CCNDBP1: variants seen among roughly 807,000 people sequenced by gnomAD.
The protein encoded by CCNDBP1 is cyclin-D1-binding protein 1.
In CCNDBP1, 45 loss-of-function variants were observed where a neutral mutation model predicts 46.2. The ratio of observed to expected loss-of-function variants is 0.97; its 90% confidence interval spans 0.77 to 1.25. The LOEUF is 1.25. Ranked by LOEUF, CCNDBP1 falls within the 50% of genes most tolerant of loss-of-function variation. CCNDBP1 has a pLI of 0.00. For synonymous variants in CCNDBP1, 154 were observed against 163.6 expected (o/e 0.94, Z 0.45); for missense variants, 436 against 442.1 (o/e 0.99, Z 0.12).
Position 43,191,643 on chromosome 15 carries a change from C to G in CCNDBP1, c.828C>G (p.Asp276Glu), listed in dbSNP as rs755756110. The change falls in exon 8 of 11, where the codon GAC becomes GAG. Residue 276 changes from aspartate to glutamate, a missense_variant. Coordinates refer to ENST00000300213, the MANE Select transcript of CCNDBP1 (RefSeq NM_012142.5). ...AGGATCAGGTGGCACAGCTGGATGA[C>G]ATTGTGGATATTTCTGATGAAATCA... ...GKKDQVAQLD[D>E]IVDISDEISP... 1 of 1,609,398 alleles carries G rather than the reference C, an allele frequency of 6.2e-7. No individual in the cohort carries two copies. Among genetic ancestry groups the G allele is most frequent in the Non-Finnish European group, 8.5e-7 (1 of 1,180,006 alleles).
chr15:43,193,661 T>A (rs548402168), intron 9 of CCNDBP1, among the ~76,000 whole-genome samples: 50 of 152,336 alleles, frequency 3.3e-4, no homozygotes, highest in African/African-American at 1.2e-3. Flanking sequence ...CTAGAGAGAG[T>A]TCTGTTCTCT....
intron 3 of CCNDBP1, among the ~76,000 whole-genome samples, chr15:43,188,050 A>T (rs928851888): frequency 1.3e-5 from 2 of 152,038 alleles, no homozygotes; most frequent in African/African-American, 4.8e-5. Flanking sequence ...ATGATACTTT[A>T]ATAAAATTAT....
chr15:43,185,930 C>G (rs2041817511), intron 2 of CCNDBP1, 51 bp downstream of exon 2: 2 of 1,552,858 alleles, frequency 1.3e-6, no homozygotes, highest in South Asian at 2.3e-5. Context: ...TCCAGCGTCC[C>G]GACCCCTTTT....
At chr15:43,187,687 T>G (rs1341589919) in intron 3 of CCNDBP1, among the ~76,000 whole-genome samples, 1 of 152,224 alleles carries the variant, frequency 6.6e-6, no homozygotes, top group African/African-American at 2.4e-5. Flanking sequence ...TTTTCTTATC[T>G]GCTAACCCCT....
chr15:43,189,832 A>G (rs1159095634), intron 4 of CCNDBP1: 5 of 538,050 alleles, frequency 9.3e-6, no homozygotes, highest in African/African-American at 1.9e-5. Flanking sequence ...GGTGTCACGG[A>G]AAGATTTTGT....
intron 3 of CCNDBP1, among the ~76,000 whole-genome samples, chr15:43,186,774 C>T (rs1420519979): frequency 2.0e-5 from 3 of 152,160 alleles, no homozygotes; most frequent in Non-Finnish European, 4.4e-5. Flanking sequence ...TTGTCTCCCC[C>T]AGTTCCTTTT....
intron 1 of CCNDBP1, 23 bp from the exon 2 acceptor site, chr15:43,185,797 C>T: frequency 1.9e-6 from 3 of 1,607,948 alleles, no homozygotes; most frequent in Non-Finnish European, 2.5e-6. Context: ...CACCGTTCGG[C>T]CCCCACACGC....
In CCNDBP1 at chr15:43,190,997, C is replaced by G. The variant is rs138744726; in HGVS notation, c.534C>G (p.Thr178=). The G allele has an allele frequency of 6.2e-7, 1 of 1,613,980 alleles. No individual in the cohort carries two copies. Among genetic ancestry groups the G allele is most frequent in the East Asian group, 2.2e-5 (1 of 44,890 alleles). Reference sequence around the variant, plus strand: ...AAGCTGCAGCTCTTTTGATGCTGACCAAGAATGTGGATTTTGTGAAGGATG... The same window carrying G: ...AAGCTGCAGCTCTTTTGATGCTGACGAAGAATGTGGATTTTGTGAAGGATG... ...DNKAAALLML[T]KNVDFVKDAH... The change falls in exon 7 of 11, where the codon ACC becomes ACG. Residue 178 remains threonine, a synonymous_variant. Coordinates refer to ENST00000300213, the MANE Select transcript of CCNDBP1 (RefSeq NM_012142.5).
At position 43,192,815 on chromosome 15, in the gene CCNDBP1, C is replaced by T. The variant is rs1425120564; in HGVS notation, c.921+12C>T. ...CCGTGCGAATCAATGTAAGTACTGG[C>T]TTTGAGGGAATAGCTACAGAACAAA... On this transcript the variant is annotated intron_variant, in intron 9 of 10. Transcript: ENST00000300213. The T allele has an allele frequency of 1.2e-6, 2 of 1,612,446 alleles. No individual in the cohort carries two copies. The highest frequency in any genetic ancestry group is 8.5e-7 in the Non-Finnish European group (1 of 1,178,550).
Position 43,185,564 on chromosome 15 carries a change from G to A in CCNDBP1, c.66G>A (p.Arg22=). 3 of 1,589,518 alleles carry A rather than the reference G, an allele frequency of 1.9e-6. No individual in the cohort carries two copies. The highest frequency in any genetic ancestry group is 2.6e-6 in the Non-Finnish European group (3 of 1,170,724). Reference sequence around the variant, plus strand: ...TGGCTTCGCCTTTGGAGCAGCTCCGGCACTTGGCGGAGGAGCTGCGGTTGC... The same window carrying A: ...TGGCTTCGCCTTTGGAGCAGCTCCGACACTTGGCGGAGGAGCTGCGGTTGC... ...PTLASPLEQL[R]HLAEELRLLL... Residue 22 remains arginine, a synonymous_variant, in exon 1 of 11, where the codon CGG becomes CGA. Transcript: ENST00000300213.
At chr15:43,189,513 T>C (rs2041914800) in intron 4 of CCNDBP1, 1 of 455,612 alleles carries the variant, frequency 2.2e-6, no homozygotes, top group African/African-American at 2.0e-5. Flanking sequence ...ATAAGGCTTT[T>C]AATTCTCACA....
At chr15:43,186,126 A>C (rs1596386664) in intron 2 of CCNDBP1, 28 bp from the exon 3 acceptor site, 1 of 1,605,690 alleles carries the variant, frequency 6.2e-7, no homozygotes, top group Non-Finnish European at 8.5e-7. Flanking sequence ...ACGTATTGGC[A>C]CCTGCCTCCT....
In CCNDBP1 at chr15:43,191,532, G is replaced by A; in HGVS notation, c.717G>A (p.Glu239=). The change falls in exon 8 of 11, where the codon GAG becomes GAA. Residue 239 remains glutamate (E), a synonymous_variant. Coordinates refer to ENST00000300213, the MANE Select transcript of CCNDBP1 (RefSeq NM_012142.5). ...QDLYWSEDDQ[E]LIIPCLALVR... is the part of the protein sequence containing the mutation. ...TGTATTGGTCAGAGGACGATCAAGA[G>A]CTCATAATCCCATGCCTTGCGCTGG... The A allele has an allele frequency of 5.0e-6, 8 of 1,614,090 alleles. No homozygotes were observed. The highest frequency in any genetic ancestry group is 6.8e-6 in the Non-Finnish European group (8 of 1,180,014).
At chr15:43,189,355 T>G in intron 4 of CCNDBP1, 75 bp downstream of exon 4, 1 of 816,812 alleles carries the variant, frequency 1.2e-6, no homozygotes, top group Non-Finnish European at 2.0e-6. Context: ...GACTTTTACC[T>G]TTACCCAACT....
chr15:43,190,213 T>G, intron 5 of CCNDBP1, 62 bp downstream of exon 5: 1 of 1,593,376 alleles, frequency 6.3e-7, no homozygotes. Context: ...GGGGAAAAGC[T>G]CATTTTAACA....
At chr15:43,186,047 C>A in intron 2 of CCNDBP1, 107 bp from the exon 3 acceptor site, 1 of 1,247,172 alleles carries the variant, frequency 8.0e-7, no homozygotes, top group Non-Finnish European at 1.2e-6. Flanking sequence ...ATTCTAACCT[C>A]GACATTCGGG....
intron 8 of CCNDBP1, 39 bp from the exon 9 acceptor site, chr15:43,192,704 G>T: frequency 6.3e-7 from 1 of 1,597,294 alleles, no homozygotes. Context: ...ACCTGGCTGC[G>T]TTTTTTTGTT....
At chr15:43,194,355 T>A in intron 9 of CCNDBP1, 60 bp from the exon 10 acceptor site, 1 of 1,403,574 alleles carries the variant, frequency 7.1e-7, no homozygotes, top group Non-Finnish European at 9.6e-7. Context: ...TTTAAAAATA[T>A]TTGAACTCAC....
At chr15:43,190,283 A>T (rs751472877) in intron 5 of CCNDBP1, 42 bp from the exon 6 acceptor site, 1 of 1,603,712 alleles carries the variant, frequency 6.2e-7, no homozygotes, top group Non-Finnish European at 8.5e-7. Flanking sequence ...AGGAGACAGG[A>T]ACCTAGGTTA....
Sources: allele counts gnomAD v4.1 joint callset (sites outside exome capture counted in the v4.1 genomes callset), GRCh38; gene constraint gnomAD v4.1.1; transcripts MANE v1.5; gene names NCBI Gene and HGNC (gene_info 2026-07-23, HGNC 2026-07-21).